Variants in SRRM4 observed in about 807,000 individuals in gnomAD.
SRRM4 encodes serine/arginine repetitive matrix protein 4.
A neutral mutation model predicts 68.9 loss-of-function variants in SRRM4; 33 were observed. That is an observed-to-expected ratio of 0.48 (90% CI 0.36 to 0.64). SRRM4 has a LOEUF of 0.64. SRRM4 is among the 30% of genes least tolerant of loss of function. SRRM4 has a pLI of 0.00. For missense variants in SRRM4, 817 were observed against 827.1 expected (o/e 0.99, Z 0.15); for synonymous variants, 318 against 318.8 (o/e 1.00, Z 0.03).
At chr12:118,991,107 A>T (rs1953314078) in intron 1 of SRRM4, among the ~76,000 whole-genome samples, 2 of 152,016 alleles carry the variant, frequency 1.3e-5, no homozygotes, top group South Asian at 4.2e-4. Flanking sequence ...GCCTGGACCC[A>T]TGTTTTTTTA....
intron 2 of SRRM4, among the ~76,000 whole-genome samples, chr12:119,110,536 T>A (rs1489410742): frequency 6.6e-6 from 1 of 152,212 alleles, no homozygotes; most frequent in Non-Finnish European, 1.5e-5. Flanking sequence ...CGGACGCCCC[T>A]GCCCCAGCCT....
chr12:119,157,794 C>T lies in SRRM4; in HGVS notation c.*996C>T, dbSNP rs1021766961. 7 of 152,610 alleles carry T rather than the reference C, an allele frequency of 4.6e-5. No individual in the cohort carries two copies. Among genetic ancestry groups the T allele is most frequent in the African/African-American group, 1.7e-4 (7 of 41,454 alleles). 9.5% of individuals were successfully genotyped at this position (152,610 alleles called of 1,614,324 possible). ...GGTTGGCGCCTGCCAGCCCCCTCCC[C>T]TCTGCCCAGGCTGCCACGCCCTGGA... On this transcript the variant is annotated 3_prime_UTR_variant, in exon 13 of 13. Coordinates refer to ENST00000267260, the MANE Select transcript of SRRM4 (RefSeq NM_194286.4). The surrounding 1 kb of genome is among the most constrained non-coding windows in gnomAD (Gnocchi z 4.1).
intron 1 of SRRM4, among the ~76,000 whole-genome samples, chr12:119,052,230 G>C (rs1268724119): frequency 1.3e-5 from 2 of 152,188 alleles, no homozygotes; most frequent in African/African-American, 2.4e-5. Flanking sequence ...GGCTGCTCTC[G>C]TGGATGTGGA....
At position 119,154,024 on chromosome 12, in the gene SRRM4, C is replaced by T. The variant is rs1484397881; in HGVS notation, c.1392-219C>T. 6.7e-6 allele frequency among the ~76,000 whole-genome samples: 1 copy of T among 149,694 alleles called. No homozygotes were observed. The highest frequency in any genetic ancestry group is 2.2e-4 in the South Asian group (1 of 4,626). ...GATGCCCACCTGCAAATGCTGACAC[C>T]CCTGCACAAGCCCAGCCCCCACCCC... On this transcript the variant is annotated intron_variant, in intron 11 of 12. Transcript: ENST00000267260. The surrounding 1 kb of genome is among the most constrained non-coding windows in gnomAD (Gnocchi z 4.7).
intron 1 of SRRM4, among the ~76,000 whole-genome samples, chr12:118,983,349 C>G (rs540084048): frequency 1.3e-5 from 2 of 152,322 alleles, no homozygotes; most frequent in South Asian, 4.1e-4. Flanking sequence ...AAAGCAGCAC[C>G]AGCCAGTGTT....
chr12:119,093,268 G>C (rs1390729834), intron 1 of SRRM4, among the ~76,000 whole-genome samples: 2 of 152,060 alleles, frequency 1.3e-5, no homozygotes, highest in African/African-American at 2.4e-5. Flanking sequence ...TCTCTATCTT[G>C]TTCCCAGTGC....
chr12:119,153,588 C>A lies in SRRM4; in HGVS notation c.1330C>A (p.Pro444Thr). 1 of 1,577,088 alleles carries A rather than the reference C, an allele frequency of 6.3e-7. No individual in the cohort carries two copies. Among genetic ancestry groups the A allele is most frequent in the Non-Finnish European group, 8.6e-7 (1 of 1,162,298 alleles). Reference protein sequence around the residue: ...SYSSKSGKRSPPSRSSRSRRS... With the variant: ...SYSSKSGKRSTPSRSSRSRRS... ...TTCCTCCAAGTCTGGCAAGAGGAGC[C>A]CGCCCAGCAGAAGCTCTAGGTCCCG... is the stretch of plus-strand genomic sequence containing the variant. The change falls in exon 11 of 13, where the codon CCG becomes ACG. Residue 444 changes from proline (P) to threonine (T), a missense_variant. Physicochemically the swap from Pro to Thr is conservative, Grantham distance 38. Transcript: ENST00000267260.
intron 1 of SRRM4, among the ~76,000 whole-genome samples, chr12:119,033,847 T>G (rs1305096591): frequency 6.6e-6 from 1 of 152,242 alleles, no homozygotes; most frequent in Non-Finnish European, 1.5e-5. Context: ...ACTTGATATG[T>G]AATTTTCCCA....
At chr12:119,148,090 A>G (rs1378386894) in intron 9 of SRRM4, among the ~76,000 whole-genome samples, 1 of 152,194 alleles carries the variant, frequency 6.6e-6, no homozygotes, top group Non-Finnish European at 1.5e-5. Flanking sequence ...GCCCTCTGTC[A>G]TGCTAACAGT....
chr12:119,136,162 C>T (rs774751684), intron 8 of SRRM4, among the ~76,000 whole-genome samples: 33 of 152,170 alleles, frequency 2.2e-4, no homozygotes, highest in Non-Finnish European at 3.5e-4. Flanking sequence ...TATCTTTAGC[C>T]TCAAAAAGCT....
chr12:119,133,888 G>A (rs1954312141), intron 8 of SRRM4, among the ~76,000 whole-genome samples: 1 of 152,184 alleles, frequency 6.6e-6, no homozygotes, highest in Non-Finnish European at 1.5e-5. Flanking sequence ...AACAATTGGT[G>A]CTCAGATGCT....
chr12:119,095,436 A>C (rs1218075301), intron 1 of SRRM4, among the ~76,000 whole-genome samples: 3 of 152,148 alleles, frequency 2.0e-5, no homozygotes. Context: ...TGATCTCTGG[A>C]AGGAAGCAAG....
At chr12:119,010,450 G>A (rs1482011478) in intron 1 of SRRM4, among the ~76,000 whole-genome samples, 1 of 152,142 alleles carries the variant, frequency 6.6e-6, no homozygotes, top group Non-Finnish European at 1.5e-5. Context: ...GCCAACAAGG[G>A]GTTTGTCCAC....
chr12:119,091,665 G>A (rs901394260), intron 1 of SRRM4, among the ~76,000 whole-genome samples: 3 of 152,192 alleles, frequency 2.0e-5, no homozygotes, highest in African/African-American at 4.8e-5. Context: ...CACCAGGGAG[G>A]TGAAAGGACT....
chr12:119,051,456 G>C (rs913507874), intron 1 of SRRM4, among the ~76,000 whole-genome samples: 2 of 152,200 alleles, frequency 1.3e-5, no homozygotes, highest in African/African-American at 4.8e-5. Flanking sequence ...TTACAGGGAA[G>C]CTGCTTTTTT....
chr12:119,024,852 G>C (rs916664705), intron 1 of SRRM4, among the ~76,000 whole-genome samples: 1 of 152,146 alleles, frequency 6.6e-6, no homozygotes, highest in Non-Finnish European at 1.5e-5. Context: ...AGGACTCTCT[G>C]TGTCTCCCTA....
intron 7 of SRRM4, among the ~76,000 whole-genome samples, chr12:119,129,793 A>G (rs765454358): frequency 1.2e-4 from 19 of 152,350 alleles, no homozygotes; most frequent in Non-Finnish European, 2.6e-4. Flanking sequence ...GAATGGATGA[A>G]TAGATTGTTG....
chr12:119,157,061 G>C lies in SRRM4; in HGVS notation c.*263G>C. On this transcript the variant is annotated 3_prime_UTR_variant, in exon 13 of 13. Transcript: ENST00000267260. The surrounding 1 kb of genome is among the most constrained non-coding windows in gnomAD (Gnocchi z 4.1). ...ATCATCTTGTGGCACAAAAAAAGAA[G>C]AAAGAAAAGAAAACTTCAAGGTTTT... is the stretch of plus-strand genomic sequence containing the variant. The C allele has an allele frequency of 4.3e-6, 2 of 462,966 alleles. No individual in the cohort carries two copies. 28.7% of individuals were successfully genotyped at this position (462,966 alleles called of 1,614,324 possible). A position where few individuals can be genotyped will look rare whatever the true frequency, so the allele number is the denominator to read the frequency against.
intron 1 of SRRM4, among the ~76,000 whole-genome samples, chr12:119,024,506 T>C (rs1409335308): frequency 1.3e-5 from 2 of 152,206 alleles, no homozygotes; most frequent in Non-Finnish European, 2.9e-5. Flanking sequence ...CACACACACA[T>C]AGAAGCCCTG....
Sources: allele counts gnomAD v4.1 joint callset (sites outside exome capture counted in the v4.1 genomes callset), GRCh38; gene constraint gnomAD v4.1.1; non-coding constraint Gnocchi (gnomAD v3.1); transcripts MANE v1.5; gene names NCBI Gene and HGNC (gene_info 2026-07-23, HGNC 2026-07-21).